The following PHKA2 variants were observed in gnomAD, a reference collection of about 807,000 sequenced individuals.
PHKA2 encodes phosphorylase b kinase regulatory subunit alpha, liver isoform.
Under a neutral mutation model 102.0 loss-of-function variants are expected in PHKA2, and 31 were observed. The observed-to-expected ratio is 0.30, with a 90% confidence interval of 0.23 to 0.41. The LOEUF is 0.41. PHKA2 is among the 10% of genes least tolerant of loss of function. The pLI is 1.00. For synonymous variants in PHKA2, 455 were observed against 416.2 expected, an observed-to-expected ratio of 1.09 and a Z score of -1.13; for missense variants, 858 against 1,023.1, an observed-to-expected ratio of 0.84 and a Z score of 2.20.
intron 10 of PHKA2, among the ~76,000 whole-genome samples, chrX:18,936,508 G>A (rs1336340135): frequency 9.0e-6 from 1 of 111,606 alleles, no homozygotes. Flanking sequence ...TCTTTAACTC[G>A]TCATGTAATT....
chrX:18,932,451 C>T (rs185578129), intron 11 of PHKA2, among the ~76,000 whole-genome samples: 67 of 110,886 alleles, frequency 6.0e-4, no homozygotes, highest in Non-Finnish European at 9.0e-4. Flanking sequence ...TTCCAGAAAA[C>T]GTAAGTCAAC....
chrX:18,935,917 A>G (rs2048386476), intron 11 of PHKA2, 138 bp downstream of exon 11: 3 of 518,892 alleles, frequency 5.8e-6, no homozygotes, highest in Non-Finnish European at 1.0e-5. Context: ...CGCCCAGCCT[A>G]CCTAAGGCTT....
At position 18,943,768 on chromosome X, in the gene PHKA2, G is replaced by C. The variant is rs1258200906; in HGVS notation, c.659C>G (p.Ala220Gly). 8.3e-7 allele frequency: 1 copy of C among 1,210,201 alleles called. No homozygotes were observed. Among genetic ancestry groups the C allele is most frequent in the East Asian group, 3.0e-5 (1 of 33,837 alleles). ...AATCACTGACTTGCGTCCTCCATGG[G>C]CTCCAAAAAGGTCCAGTTCATCAAT... is the stretch of plus-strand genomic sequence containing the variant. Reference protein sequence around the residue: ...EAIDELDLFGAHGGRKSVIHV... With the variant: ...EAIDELDLFGGHGGRKSVIHV... Residue 220 changes from alanine (A) to glycine (G), a missense_variant, in exon 7 of 33, where the codon GCC becomes GGC. Physicochemically the swap from Ala to Gly is moderately conservative, Grantham distance 60. Transcript: ENST00000379942.
At chrX:18,930,278 A>G (rs994480224) in intron 12 of PHKA2, among the ~76,000 whole-genome samples, 2 of 111,662 alleles carry the variant, frequency 1.8e-5, no homozygotes, top group African/African-American at 6.5e-5. Context: ...ACAGGTGGGG[A>G]AACCAAGATA....
intron 1 of PHKA2, among the ~76,000 whole-genome samples, chrX:18,956,311 G>A (rs1222656973): frequency 2.7e-5 from 3 of 111,679 alleles, no homozygotes; most frequent in Non-Finnish European, 3.8e-5. Flanking sequence ...GTGACAGAGT[G>A]AGAGTTTGTC....
chrX:18,908,023 C>T lies in PHKA2; in HGVS notation c.2394G>A (p.Gln798=). The T allele has an allele frequency of 8.3e-7, 1 of 1,211,366 alleles. No individual in the cohort carries two copies. Among genetic ancestry groups the T allele is most frequent in the Non-Finnish European group, 1.1e-6 (1 of 894,996 alleles). Residue 798 remains glutamine (Q), a synonymous_variant, in exon 22 of 33, where the codon CAG becomes CAA. Transcript: ENST00000379942. ...GAAGGTTTTGAACGGTGACCCCGTGCTGTCCAGAGAGATTTGTGTCCCAGC... is the reference window on the plus strand; with the variant it reads ...GAAGGTTTTGAACGGTGACCCCGTGTTGTCCAGAGAGATTTGTGTCCCAGC... ...GPSWDTNLSG[Q]HGVTVQNLLG...
chrX:18,939,274 C>T (rs2048448368), intron 9 of PHKA2, among the ~76,000 whole-genome samples: 1 of 111,406 alleles, frequency 9.0e-6, no homozygotes, highest in Non-Finnish European at 1.9e-5. Context: ...CTCCTGGGCT[C>T]AAGTGATCCT....
Position 18,892,299 on chromosome X carries a change from G to A in PHKA2, c.*1186C>T, listed in dbSNP as rs1317868849. On this transcript the variant is annotated 3_prime_UTR_variant, in exon 33 of 33. Transcript: ENST00000379942. ...AGAGCGCACCTCCTGGCCACTAGGT[G>A]AGCATTTGTCTTTCAAGGTTTATTA... 3.5e-5 allele frequency: 4 copies of A among 112,720 alleles called. No individual in the cohort carries two copies. The highest frequency in any genetic ancestry group is 1.3e-4 in the African/African-American group (4 of 31,030). 9.3% of individuals were successfully genotyped at this position (112,720 alleles called of 1,213,427 possible). A position where few individuals can be genotyped will look rare whatever the true frequency, so the allele number is the denominator to read the frequency against.
At chrX:18,950,952 T>G in intron 4 of PHKA2, 152 bp downstream of exon 4, 1 of 571,996 alleles carries the variant, frequency 1.7e-6, no homozygotes, top group Non-Finnish European at 2.9e-6. Context: ...AGAAAAAGCA[T>G]TTCGGTTCTG....
chrX:18,962,909 T>C (rs769132065), intron 1 of PHKA2, among the ~76,000 whole-genome samples: 62 of 111,610 alleles, frequency 5.6e-4, no homozygotes, highest in Non-Finnish European at 1.0e-3. Flanking sequence ...GGAGGGTGAT[T>C]AGGGCAATGA....
Position 18,954,375 on chromosome X carries a change from T to C in PHKA2, c.116A>G (p.Gln39Arg). 8.3e-7 allele frequency: 1 copy of C among 1,211,716 alleles called. No homozygotes were observed. Among genetic ancestry groups the C allele is most frequent in the Non-Finnish European group, 1.1e-6 (1 of 895,269 alleles). The change falls in exon 2 of 33, where the codon CAG (glutamine) becomes CGG (arginine). Residue 39 changes from glutamine to arginine, a missense_variant. Gln to Arg is a conservative substitution (Grantham distance 43, BLOSUM62 1). This residue lies in a region of PHKA2 where 187 missense variants were observed against 277.9 expected (regional missense o/e 0.67). Coordinates refer to ENST00000379942, the MANE Select transcript of PHKA2 (RefSeq NM_000292.3). ...VTGLLSASHE[Q>R]KDAWVRDNIY... ...GTTATCCCGCACCCAGGCATCCTTC[T>C]GCTCATGGCTGGCTGACAGCAGCCC...
At chrX:18,938,272 G>A (rs1569317788) in intron 10 of PHKA2, among the ~76,000 whole-genome samples, 1 of 112,738 alleles carries the variant, frequency 8.9e-6, no homozygotes, top group Non-Finnish European at 1.9e-5. Flanking sequence ...GAGAACCAAG[G>A]CCCCCACCAA....
intron 30 of PHKA2, 126 bp from the exon 31 acceptor site, chrX:18,895,317 G>A (rs781477352): frequency 2.6e-4 from 154 of 599,553 alleles, no homozygotes; most frequent in Non-Finnish European, 4.1e-4. Context: ...GCTGGGACAC[G>A]CCAGACTGTC....
rs772823121 is a variant in PHKA2 at position 18,895,957 on chromosome X, G to A, written c.3283-766C>T. ...GCAGGATCCTGCCTGGGTCCCAGGA[G>A]TCCAGCTGCTCGGGCAGGGCCTGCT... On this transcript the variant is annotated intron_variant, in intron 30 of 32. Coordinates refer to ENST00000379942, the MANE Select transcript of PHKA2 (RefSeq NM_000292.3). 2.7e-5 allele frequency: 3 copies of A among 111,877 alleles called. No individual in the cohort carries two copies. In the East Asian group the frequency reaches 8.6e-4, roughly 32 times the overall value. The allele number at this position is 111,877 out of a possible 1,213,427, so 9.2% of individuals were successfully genotyped here.
chrX:18,892,492 G>A lies in PHKA2; in HGVS notation c.*993C>T, dbSNP rs889467609. Reference sequence around the variant, plus strand: ...TGCCTCCAACTGCACCCACCCAAGAGAGTGAAGACCAAAGTGCTTCTACCA... The same window carrying A: ...TGCCTCCAACTGCACCCACCCAAGAAAGTGAAGACCAAAGTGCTTCTACCA... On this transcript the variant is annotated 3_prime_UTR_variant, in exon 33 of 33. Transcript: ENST00000379942. 8 of 112,371 alleles carry A rather than the reference G, an allele frequency of 7.1e-5. No individual in the cohort carries two copies. The highest frequency in any genetic ancestry group is 1.3e-4 in the African/African-American group (4 of 30,904). The allele number at this position is 112,371 out of a possible 1,213,427, so 9.3% of individuals were successfully genotyped here. A position where few individuals can be genotyped will look rare whatever the true frequency, so the allele number is the denominator to read the frequency against.
chrX:18,919,728 CAA>C (rs56042937), intron 18 of PHKA2, among the ~76,000 whole-genome samples: 15 of 27,567 alleles, frequency 5.4e-4, no homozygotes, highest in Non-Finnish European at 6.1e-4. Context: ...CAAACAACAA[CAA>C]AAAAAAAAAA....
rs771402169 is a variant in PHKA2 at position 18,909,532 on chromosome X, G to T, written c.2227-598C>A. On this transcript the variant is annotated intron_variant, in intron 20 of 32. Transcript: ENST00000379942. ...CATATCACCAGAGCCCAGGAACTGG[G>T]GGCGGCAATGGACCTGTATAAATAC... 2.7e-5 allele frequency among the ~76,000 whole-genome samples: 3 copies of T among 111,920 alleles called. No individual in the cohort carries two copies. The East Asian group carries it at 8.5e-4, about 32-fold the overall frequency.
intron 29 of PHKA2, 73 bp from the exon 30 acceptor site, chrX:18,897,406 G>T: frequency 6.7e-6 from 7 of 1,042,320 alleles, no homozygotes; most frequent in Non-Finnish European, 9.1e-6. Context: ...CATCTCGAAG[G>T]GCGGCCCTGC....
intron 2 of PHKA2, among the ~76,000 whole-genome samples, chrX:18,953,123 C>T (rs781002004): frequency 5.3e-5 from 6 of 112,264 alleles, no homozygotes; most frequent in Non-Finnish European, 1.1e-4. Context: ...GTGAGGCCAT[C>T]GAAGAATGTC....
Sources: allele counts gnomAD v4.1 joint callset (sites outside exome capture counted in the v4.1 genomes callset), GRCh38; gene constraint gnomAD v4.1.1; regional missense constraint gnomAD v4.1.1; transcripts MANE v1.5; gene names NCBI Gene and HGNC (gene_info 2026-07-23, HGNC 2026-07-21).